SRSF5: variants seen among roughly 807,000 people sequenced by gnomAD.
The protein encoded by SRSF5 is serine and arginine rich splicing factor 5, also known as serine/arginine-rich splicing factor 5.
SRSF5 carries 5 observed loss-of-function variants against 34.0 expected under a neutral mutation model. The observed-to-expected ratio is 0.15, with a 90% CI of 0.08 to 0.31. SRSF5 has a LOEUF of 0.31. Ranked by LOEUF, SRSF5 falls within the 10% of genes least tolerant of loss-of-function variation. SRSF5 has a pLI of 1.00. For missense variants in SRSF5, 223 were observed against 351.4 expected (o/e 0.63, Z 2.92); for synonymous variants, 164 against 117.7 (o/e 1.39, Z -2.55).
rs1195388074 is a variant in SRSF5 at position 69,767,257 on chromosome 14, T to G, written c.-20+2T>G. 2.6e-6 allele frequency: 1 copy of G among 386,064 alleles called. No homozygotes were observed. The highest frequency in any genetic ancestry group is 2.1e-5 in the African/African-American group (1 of 46,884). 23.9% of individuals were successfully genotyped at this position (386,064 alleles called of 1,614,324 possible). A position where few individuals can be genotyped will look rare whatever the true frequency, so the allele number is the denominator to read the frequency against. On this transcript the variant is annotated splice_donor_variant, in intron 1 of 7. Coordinates refer to ENST00000557154, the MANE Select transcript of SRSF5 (RefSeq NM_001320214.2). LOFTEE classifies it low-confidence loss of function (5UTR_SPLICE). The stretch of plus-strand genomic sequence containing the variant: ...GCCGCCAAAGACCCCGTCCGGTAGG[T>G]GAGTGGCTCACTTTGAGGGCAAGCC...
chr14:69,767,198 C>T lies in SRSF5; in HGVS notation c.-77C>T. The T allele has an allele frequency of 5.6e-6, 2 of 357,144 alleles. No individual in the cohort carries two copies. Among genetic ancestry groups the T allele is most frequent in the Non-Finnish European group, 1.1e-5 (2 of 181,842 alleles). The allele number at this position is 357,144 out of a possible 1,614,324, so 22.1% of individuals were successfully genotyped here. A position where few individuals can be genotyped will look rare whatever the true frequency, so the allele number is the denominator to read the frequency against. On this transcript the variant is annotated 5_prime_UTR_variant, in exon 1 of 8. Transcript: ENST00000557154. Reference sequence around the variant, plus strand: ...TCCTGGTCTGCGTGGAGGTCGACGACTCCGTCGCAGACTACGGACCTGTCT... The same window carrying T: ...TCCTGGTCTGCGTGGAGGTCGACGATTCCGTCGCAGACTACGGACCTGTCT...
chr14:69,770,304 CATAG>C (rs1883046643), intron 5 of SRSF5, 159 bp from the exon 6 acceptor site: 6 of 1,415,574 alleles, frequency 4.2e-6, no homozygotes, highest in Middle Eastern at 5.2e-4. Flanking sequence ...CGTGCCCTGA[CATAG>C]ATAATTTTTG....
intron 1 of SRSF5, chr14:69,767,853 T>G: frequency 5.0e-5 from 19 of 380,224 alleles, no homozygotes; most frequent in East Asian, 1.3e-4. Context: ...CTGCGGCAGA[T>G]GGGAGGGGGC....
Position 69,767,157 on chromosome 14 carries a change from G to A in SRSF5, c.-118G>A, listed in dbSNP as rs554968403. On this transcript the variant is annotated 5_prime_UTR_variant, in exon 1 of 8. Coordinates refer to ENST00000557154, the MANE Select transcript of SRSF5 (RefSeq NM_001320214.2). ...TGCTAAGTGCGTCAGTTGTGGAGTG[G>A]CGTAGACGAGTTAAGTCCTGGTCTG... 6 of 341,488 alleles carry A rather than the reference G, an allele frequency of 1.8e-5. No individual in the cohort carries two copies. Among genetic ancestry groups the A allele is most frequent in the Non-Finnish European group, 3.5e-5 (6 of 172,400 alleles). The allele number at this position is 341,488 out of a possible 1,614,324, so 21.2% of individuals were successfully genotyped here.
intron 2 of SRSF5, 158 bp downstream of exon 2, chr14:69,768,440 C>T (rs1171346773): frequency 5.5e-6 from 7 of 1,271,534 alleles, no homozygotes; most frequent in East Asian, 4.6e-5. Context: ...TTTAACTTGC[C>T]GGCTCACTGG....
At chr14:69,767,891 G>A (rs1040786475) in intron 1 of SRSF5, 5 of 449,974 alleles carry the variant, frequency 1.1e-5, no homozygotes, top group African/African-American at 8.0e-5. Flanking sequence ...GTGCGGCTGC[G>A]CAGTTGGAAA....
chr14:69,769,415 C>T (rs1882955958), intron 5 of SRSF5, 164 bp downstream of exon 5: 2 of 1,514,790 alleles, frequency 1.3e-6, no homozygotes, highest in African/African-American at 1.4e-5. Flanking sequence ...ATATTTTGAA[C>T]TTTAATATTA....
chr14:69,767,484 G>C lies in SRSF5; in HGVS notation c.-20+229G>C, dbSNP rs565468033. ...GTTTTTACACAGCGGTTGTGCGCCC[G>C]TCCCTGCCAGTCTTAATGTCTTCAT... On this transcript the variant is annotated intron_variant, in intron 1 of 7. Coordinates refer to ENST00000557154, the MANE Select transcript of SRSF5 (RefSeq NM_001320214.2). 3.3e-5 allele frequency: 15 copies of C among 455,916 alleles called. 1 individual carries two copies. Among genetic ancestry groups the C allele is most frequent in the South Asian group, 2.3e-4 (15 of 64,518 alleles). The allele number at this position is 455,916 out of a possible 1,614,324, so 28.2% of individuals were successfully genotyped here.
chr14:69,767,670 A>G (rs1338743175), intron 1 of SRSF5: 2 of 367,308 alleles, frequency 5.4e-6, no homozygotes, highest in South Asian at 1.9e-5. Context: ...CTTTGATTCC[A>G]CCGCCGCCAT....
intron 1 of SRSF5, 135 bp from the exon 2 acceptor site, chr14:69,768,003 T>C: frequency 1.0e-6 from 1 of 992,562 alleles, no homozygotes; most frequent in Admixed American, 2.5e-5. Flanking sequence ...CTGGCCTCAT[T>C]AGAGGCTCTG....
Position 69,771,369 on chromosome 14 carries a change from G to C in SRSF5, c.727G>C (p.Gly243Arg). ...SPVPEKSQKR[G>R]SSSRSKSPAS... The stretch of plus-strand genomic sequence containing the variant: ...CGTGCCTGAGAAGAGCCAGAAACGT[G>C]GTTCTTCAAGTAGATCTAAGTCTCC... Residue 243 changes from glycine to arginine, a missense_variant, in exon 8 of 8, where the codon GGT (glycine) becomes CGT (arginine). Physicochemically the swap from Gly to Arg is moderately radical, Grantham distance 125 (BLOSUM62 -2). This residue lies in a region of SRSF5 where 115 missense variants were observed against 119.7 expected (regional missense o/e 0.96). Transcript: ENST00000557154. 2 of 1,614,190 alleles carry C rather than the reference G, an allele frequency of 1.2e-6. No individual in the cohort carries two copies. Among genetic ancestry groups the C allele is most frequent in the South Asian group, 1.1e-5 (1 of 91,084 alleles).
chr14:69,771,524 C>T lies in SRSF5; in HGVS notation c.*63C>T, dbSNP rs868326442. Reference sequence around the variant, plus strand: ...AACAAAAACCACAAAAATTCCCAAACCATACTTGCTAAAAATTCTGGTAAG... The same window carrying T: ...AACAAAAACCACAAAAATTCCCAAATCATACTTGCTAAAAATTCTGGTAAG... On this transcript the variant is annotated 3_prime_UTR_variant, in exon 8 of 8. Transcript: ENST00000557154. The T allele has an allele frequency of 6.4e-7, 1 of 1,565,532 alleles. No homozygotes were observed.
intron 5 of SRSF5, chr14:69,769,930 T>TG (rs1224262796): frequency 9.2e-7 from 1 of 1,090,454 alleles, no homozygotes; most frequent in Non-Finnish European, 1.1e-6. Context: ...TTCCATCGAT[T>TG]GGGTAGTGTC....
chr14:69,768,460 C>G, intron 2 of SRSF5, 144 bp from the exon 3 acceptor site: 2 of 1,174,316 alleles, frequency 1.7e-6, no homozygotes, highest in Non-Finnish European at 2.5e-6. Context: ...GAACCCCACT[C>G]CCAGTGGCTC....
Position 69,769,384 on chromosome 14 carries a change from T to G in SRSF5, c.366+133T>G, listed in dbSNP as rs1351266062. On this transcript the variant is annotated intron_variant, in intron 5 of 7. Coordinates refer to ENST00000557154, the MANE Select transcript of SRSF5 (RefSeq NM_001320214.2). The stretch of plus-strand genomic sequence containing the variant: ...TAATGGAATTGTAATTTTAAACATT[T>G]AATTAAATGTAATTTGGGGGATATT... 8 of 1,496,276 alleles carry G rather than the reference T, an allele frequency of 5.3e-6. No individual in the cohort carries two copies. The East Asian group carries it at 2.0e-4, about 37-fold the overall frequency. The allele number at this position is 1,496,276 out of a possible 1,614,324, so 92.7% of individuals were successfully genotyped here.
At chr14:69,769,014 A>G in intron 4 of SRSF5, 118 bp downstream of exon 4, 1 of 1,296,666 alleles carries the variant, frequency 7.7e-7, no homozygotes, top group Non-Finnish European at 1.1e-6. Context: ...TTCTATTCCC[A>G]CGTTAGCCAG....
In SRSF5 at chr14:69,768,360, G is replaced by A. The variant is rs1472601712; in HGVS notation, c.126+78G>A. The A allele has an allele frequency of 1.6e-5, 25 of 1,575,998 alleles. No individual in the cohort carries two copies. The East Asian group carries it at 4.0e-4, about 26-fold the overall frequency. The stretch of plus-strand genomic sequence containing the variant: ...AGCAGTTGTTTTCGATCTTGAGTCC[G>A]GGTGGAATATTTGCCTTCAGAAAAT... On this transcript the variant is annotated intron_variant, in intron 2 of 7. Transcript: ENST00000557154.
intron 3 of SRSF5, 49 bp from the exon 4 acceptor site, chr14:69,768,749 A>G: frequency 6.2e-7 from 1 of 1,611,994 alleles, no homozygotes; most frequent in Non-Finnish European, 8.5e-7. Flanking sequence ...TTCTAAGTAG[A>G]TTTATGTAGC....
At position 69,771,549 on chromosome 14, in the gene SRSF5, G is replaced by A. The variant is rs1883211742; in HGVS notation, c.*88G>A. 1 of 1,225,466 alleles carries A rather than the reference G, an allele frequency of 8.2e-7. No individual in the cohort carries two copies. Among genetic ancestry groups the A allele is most frequent in the African/African-American group, 1.5e-5 (1 of 65,128 alleles). 75.9% of individuals were successfully genotyped at this position (1,225,466 alleles called of 1,614,324 possible). On this transcript the variant is annotated 3_prime_UTR_variant, in exon 8 of 8. Coordinates refer to ENST00000557154, the MANE Select transcript of SRSF5 (RefSeq NM_001320214.2). ...CCATACTTGCTAAAAATTCTGGTAA[G>A]TATGTGCTTTTCTGTGGGGGTGGGA...
Sources: allele counts gnomAD v4.1 joint callset, GRCh38; gene constraint gnomAD v4.1.1; regional missense constraint gnomAD v4.1.1; transcripts MANE v1.5; gene names NCBI Gene and HGNC (gene_info 2026-07-23, HGNC 2026-07-21).